UHRF1: variants seen among roughly 807,000 people sequenced by gnomAD.
The protein encoded by UHRF1 is E3 ubiquitin-protein ligase UHRF1.
In UHRF1, 9 loss-of-function variants were observed where a neutral mutation model predicts 96.5. That is an observed-to-expected ratio of 0.09 (90% CI 0.06 to 0.16). The LOEUF (loss-of-function observed/expected upper bound fraction) is 0.16, where lower values mean the gene tolerates loss of function less well. UHRF1 is among the 10% of genes least tolerant of loss of function. The pLI, the probability that UHRF1 is intolerant of heterozygous loss-of-function variation, is 1.00. For missense variants in UHRF1, 626 were observed against 1,131.1 expected (o/e 0.55, Z 6.40); for synonymous variants, 455 against 469.9 (o/e 0.97, Z 0.41).
At chr19:4,907,558 C>T (rs563999975), upstream of UHRF1, among the ~76,000 whole-genome samples, 7 of 150,862 alleles carry the variant, frequency 4.6e-5, no homozygotes, top group Non-Finnish European at 8.9e-5. Context: ...GTGTGAGCCA[C>T]CACGCCCGGC....
chr19:4,959,964 C>T (rs1406206578), intron 16 of UHRF1, among the ~76,000 whole-genome samples: 1 of 152,202 alleles, frequency 6.6e-6, no homozygotes, highest in South Asian at 2.1e-4. Context: ...GGGTTCAAGC[C>T]ATTCTCTTGC....
chr19:4,954,677 C>T lies in UHRF1; in HGVS notation c.1985C>T (p.Pro662Leu), dbSNP rs773178170. The T allele has an allele frequency of 5.0e-5, 81 of 1,612,942 alleles. No homozygotes were observed. In the East Asian group the frequency reaches 1.1e-3, roughly 21 times the overall value. ...GGTGGCCCGAGCAGGGCCGGGTCCC[C>T]GCGCCGGACATCCAAGAAAACCAAG... The part of the protein sequence containing the change: ...AGGGPSRAGS[P>L]RRTSKKTKVE... Residue 662 changes from proline to leucine, a missense_variant, in exon 15 of 17, where the codon CCG becomes CTG. Transcript: ENST00000650932. The surrounding 1 kb of genome is among the most constrained non-coding windows in gnomAD (Gnocchi z 5.9).
At chr19:4,943,095 C>G (rs1319745677) in intron 7 of UHRF1, among the ~76,000 whole-genome samples, 1 of 151,894 alleles carries the variant, frequency 6.6e-6, no homozygotes, top group African/African-American at 2.4e-5. Context: ...AAAAAGTTAG[C>G]CAGGCGTGGT....
At chr19:4,942,324 G>A (rs2033431719) in intron 7 of UHRF1, among the ~76,000 whole-genome samples, 1 of 152,008 alleles carries the variant, frequency 6.6e-6, no homozygotes, top group South Asian at 2.1e-4. Flanking sequence ...CCGAGTAGCT[G>A]GGACTACAGG....
intron 16 of UHRF1, among the ~76,000 whole-genome samples, chr19:4,957,433 C>T (rs944935948): frequency 4.8e-4 from 73 of 151,208 alleles, no homozygotes; most frequent in African/African-American, 1.6e-3. Context: ...CTCAGCCTCC[C>T]GAGTAGCTGG....
At chr19:4,924,348 G>T (rs891459732) in intron 2 of UHRF1, among the ~76,000 whole-genome samples, 2 of 151,950 alleles carry the variant, frequency 1.3e-5, no homozygotes, top group African/African-American at 4.8e-5. Flanking sequence ...ATGGGGTTTC[G>T]CCGTGTTAGC....
upstream of UHRF1, among the ~76,000 whole-genome samples, chr19:4,907,325 A>G (rs965677672): frequency 6.6e-6 from 1 of 152,094 alleles, no homozygotes; most frequent in Non-Finnish European, 1.5e-5. Flanking sequence ...GCTGAAGTGC[A>G]GTGGCACGAT....
rs11411657 is a variant in UHRF1, at chr19:4,937,293, C to CTTTTTTTT, written c.786-4222_786-4215dup. Among the ~76,000 whole-genome samples, 601 of 125,364 alleles carry CTTTTTTTT rather than the reference C, an allele frequency of 4.8e-3. 6 individuals carry two copies. The highest frequency in any genetic ancestry group is 0.018 in the African/African-American group (576 of 32,402). 82.2% of individuals were successfully genotyped at this position (125,364 alleles called of 152,430 possible). A position where few individuals can be genotyped will look rare whatever the true frequency, so the allele number is the denominator to read the frequency against. On this transcript the variant is annotated intron_variant, in intron 5 of 16. Transcript: ENST00000650932. ...AGTATTCTGTGGTATAGATGGGCCA[C>CTTTTTTTT]TTTTTTTTTTTTTTTTTTTTAACGA...
chr19:4,960,570 G>A, intron 16 of UHRF1, 87 bp from the exon 17 acceptor site: 1 of 1,527,626 alleles, frequency 6.5e-7, no homozygotes, highest in Non-Finnish European at 8.8e-7. Flanking sequence ...GACCTGGTGA[G>A]ACTGTCCCCA....
At chr19:4,938,995 C>T (rs969157522) in intron 5 of UHRF1, among the ~76,000 whole-genome samples, 1 of 151,814 alleles carries the variant, frequency 6.6e-6, no homozygotes, top group African/African-American at 2.4e-5. Flanking sequence ...TTCCCTGCAA[C>T]CTCCACCTCC....
Position 4,911,044 on chromosome 19 carries a change from C to A in UHRF1, c.153+6C>A. The A allele has an allele frequency of 1.3e-6, 2 of 1,576,890 alleles. No individual in the cohort carries two copies. Among genetic ancestry groups the A allele is most frequent in the Non-Finnish European group, 1.7e-6 (2 of 1,157,986 alleles). On this transcript the variant is annotated splice_donor_region_variant and intron_variant, in intron 2 of 16. Coordinates refer to ENST00000650932, the MANE Select transcript of UHRF1 (RefSeq NM_001048201.3). ...TGTTCTACAGGGGCAAACAGGTACA[C>A]CCGCCGCCAGCACCTTTGTTCTATG...
Position 4,940,015 on chromosome 19 carries a change from C to A in UHRF1, c.786-1513C>A, listed in dbSNP as rs559349670. ...CTCCAGCCTGGGCGACAGAGCGAGA[C>A]TGTCTCAAAAAAAAAAAAAAAAACA... On this transcript the variant is annotated intron_variant, in intron 5 of 16. Transcript: ENST00000650932. Among the ~76,000 whole-genome samples, 3 of 140,422 alleles carry A rather than the reference C, an allele frequency of 2.1e-5. No individual in the cohort carries two copies. The South Asian group carries it at 6.9e-4, about 32-fold the overall frequency. The allele number at this position is 140,422 out of a possible 152,430, so 92.1% of individuals were successfully genotyped here.
intron 2 of UHRF1, among the ~76,000 whole-genome samples, chr19:4,913,807 C>CTTTT (rs11341952): frequency 6.4e-5 from 7 of 110,144 alleles, no homozygotes; most frequent in Non-Finnish European, 1.0e-4. Flanking sequence ...CATGCAGTAG[C>CTTTT]TTTTTTTTTT....
At chr19:4,957,345 G>T (rs2033885041) in intron 16 of UHRF1, among the ~76,000 whole-genome samples, 1 of 114,274 alleles carries the variant, frequency 8.8e-6, no homozygotes, top group Non-Finnish European at 1.6e-5. Context: ...GTCTCGCTCT[G>T]TTGCCCATGC....
At chr19:4,923,993 G>A (rs1447449915) in intron 2 of UHRF1, among the ~76,000 whole-genome samples, 2 of 152,148 alleles carry the variant, frequency 1.3e-5, no homozygotes, top group Non-Finnish European at 2.9e-5. Flanking sequence ...TTAAGACGGA[G>A]TCTCATTCTG....
At chr19:4,939,917 A>G (rs1011651335) in intron 5 of UHRF1, among the ~76,000 whole-genome samples, 20 of 151,458 alleles carry the variant, frequency 1.3e-4, no homozygotes, top group African/African-American at 1.9e-4. Flanking sequence ...CCAGCTACTC[A>G]GGAGGCTGAG....
rs1390456535 is a variant in UHRF1, at chr19:4,941,852, A to G, written c.994A>G (p.Met332Val). ...GGRQDPDKQL[M>V]CDECDMAFHI... ...CCGGCAGGACCCCGACAAGCAGCTC[A>G]TGTGCGATGAGTGCGACATGGCCTT... Residue 332 changes from methionine (M) to valine (V), a missense_variant, in exon 7 of 17, where the codon ATG becomes GTG. Physicochemically the swap from Met to Val is conservative, Grantham distance 21. Around this residue, in one of 11 missense-constraint regions of UHRF1, gnomAD observed 69 missense variants for 159.8 expected, o/e 0.43. Coordinates refer to ENST00000650932, the MANE Select transcript of UHRF1 (RefSeq NM_001048201.3). 8 of 1,573,522 alleles carry G rather than the reference A, an allele frequency of 5.1e-6. No homozygotes were observed. Among genetic ancestry groups the G allele is most frequent in the Non-Finnish European group, 6.9e-6 (8 of 1,160,674 alleles).
chr19:4,909,400 C>T (rs1472969712), upstream of UHRF1: 2 of 645,814 alleles, frequency 3.1e-6, no homozygotes, highest in Non-Finnish European at 2.8e-6. Flanking sequence ...TTCTCGCTTC[C>T]CGCCACTGCG....
At chr19:4,946,714 A>ACAGG (rs1381272570) in intron 10 of UHRF1, among the ~76,000 whole-genome samples, 1 of 152,070 alleles carries the variant, frequency 6.6e-6, no homozygotes, top group Non-Finnish European at 1.5e-5. Flanking sequence ...AGCTGGGACT[A>ACAGG]CAGGCAGGCA....
Sources: gnomAD v4.1 joint callset for allele counts (sites outside exome capture counted in the v4.1 genomes callset) on GRCh38, gnomAD v4.1.1 for gene constraint, gnomAD v4.1.1 regional missense constraint, Gnocchi (gnomAD v3.1) non-coding constraint, MANE v1.5 for transcripts, NCBI Gene and HGNC (gene_info 2026-07-23, HGNC 2026-07-21) for gene names.